Variants in DYNAP observed in about 807,000 individuals in gnomAD.
The protein encoded by DYNAP is dynactin-associated protein.
Under a neutral mutation model 8.5 loss-of-function variants are expected in DYNAP, and 7 were observed. The ratio of observed to expected loss-of-function variants is 0.82; its 90% CI spans 0.47 to 1.54. The LOEUF (loss-of-function observed/expected upper bound fraction) is 1.54, where lower values mean the gene tolerates loss of function less well. DYNAP is among the 40% of genes most tolerant of loss of function. DYNAP has a pLI of 0.01. For synonymous variants in DYNAP, 77 were observed against 77.9 expected (o/e 0.99, Z 0.06); for missense variants, 256 against 224.3 (o/e 1.14, Z -0.90).
At chr18:54,577,236 G>A in the DYNAP span, among the ~76,000 whole-genome samples, 1 of 152,134 alleles carries the variant, frequency 6.6e-6, no homozygotes, top group African/African-American at 2.4e-5. Flanking sequence ...CTGTGCAGGA[G>A]AGAAGAAACT....
upstream of DYNAP, among the ~76,000 whole-genome samples, chr18:54,587,043 T>C (rs1209229483): frequency 6.6e-6 from 1 of 152,156 alleles, no homozygotes; most frequent in Non-Finnish European, 1.5e-5. Context: ...AAAAATATGT[T>C]TTGATGGTCC....
At chr18:54,578,308 A>G in the DYNAP span, among the ~76,000 whole-genome samples, 32 of 152,234 alleles carry the variant, frequency 2.1e-4, no homozygotes, top group Non-Finnish European at 2.9e-4. Flanking sequence ...AGAAGCAACA[A>G]TAGCTCTTAG....
intron 1 of DYNAP, 141 bp downstream of exon 1, chr18:54,591,480 A>G: frequency 1.0e-6 from 1 of 965,514 alleles, no homozygotes; most frequent in South Asian, 2.6e-5. Context: ...GCAACCCTGT[A>G]TCAATTTTTG....
upstream of DYNAP, among the ~76,000 whole-genome samples, chr18:54,590,459 C>T (rs1911026150): frequency 6.6e-6 from 1 of 152,076 alleles, no homozygotes; most frequent in Admixed American, 6.6e-5. Context: ...GTATTGAATA[C>T]ATTTATAAGA....
chr18:54,579,605 C>T, the DYNAP span, among the ~76,000 whole-genome samples: 2 of 152,156 alleles, frequency 1.3e-5, no homozygotes, highest in African/African-American at 4.8e-5. Flanking sequence ...TTTTCTTCAT[C>T]CAAGAGATAT....
At chr18:54,592,452 T>A (rs562243765) in intron 1 of DYNAP, among the ~76,000 whole-genome samples, 2 of 152,200 alleles carry the variant, frequency 1.3e-5, no homozygotes, top group African/African-American at 4.8e-5. Flanking sequence ...ATAACTATAT[T>A]TTTCTCTTCA....
At chr18:54,583,858 C>T (rs529778190), upstream of DYNAP, among the ~76,000 whole-genome samples, 5 of 152,010 alleles carry the variant, frequency 3.3e-5, no homozygotes, top group South Asian at 2.1e-4. Flanking sequence ...TTCTGAGAAC[C>T]GATCACCTGA....
the DYNAP span, among the ~76,000 whole-genome samples, chr18:54,582,306 A>T: frequency 6.6e-6 from 1 of 152,092 alleles, no homozygotes; most frequent in African/African-American, 2.4e-5. Flanking sequence ...GAAATGATCC[A>T]AGTCTTTTCC....
At chr18:54,587,993 C>A (rs1910939941), upstream of DYNAP, 1 of 393,362 alleles carries the variant, frequency 2.5e-6, no homozygotes, top group East Asian at 3.6e-5. Context: ...CTAATTCCAA[C>A]ATACAAAAAG....
At position 54,598,251 on chromosome 18, in the gene DYNAP, C is replaced by A; in HGVS notation, c.*106C>A. On this transcript the variant is annotated 3_prime_UTR_variant, in exon 3 of 3. Transcript: ENST00000648945. ...CCTATCACTTCAAGTGGAATCATGGCTGCAGTCACTTTAACAGACTCTATA... is the reference window on the plus strand; with the variant it reads ...CCTATCACTTCAAGTGGAATCATGGATGCAGTCACTTTAACAGACTCTATA... The A allele has an allele frequency of 8.4e-7, 1 of 1,192,398 alleles. No homozygotes were observed. The highest frequency in any genetic ancestry group is 1.2e-6 in the Non-Finnish European group (1 of 855,268). The allele number at this position is 1,192,398 out of a possible 1,614,324, so 73.9% of individuals were successfully genotyped here.
the DYNAP span, among the ~76,000 whole-genome samples, chr18:54,578,110 G>A: frequency 5.3e-5 from 8 of 152,234 alleles, no homozygotes; most frequent in Non-Finnish European, 1.5e-5. Context: ...GGAGGTATCA[G>A]TCCTGGAGAG....
chr18:54,596,898 T>G (rs371614399), intron 2 of DYNAP, among the ~76,000 whole-genome samples: 1 of 152,246 alleles, frequency 6.6e-6, no homozygotes, highest in East Asian at 1.9e-4. Flanking sequence ...TGGTGACCAT[T>G]GCCCTCATTC....
At chr18:54,584,334 C>T (rs547927748), upstream of DYNAP, among the ~76,000 whole-genome samples, 22 of 149,262 alleles carry the variant, frequency 1.5e-4, no homozygotes, top group African/African-American at 5.1e-4. Flanking sequence ...AATGCATATT[C>T]AAGACATATT....
At chr18:54,577,929 A>G in the DYNAP span, among the ~76,000 whole-genome samples, 12 of 144,458 alleles carry the variant, frequency 8.3e-5, no homozygotes, top group Non-Finnish European at 1.6e-4. Context: ...AGGCCACTGC[A>G]CTCCAGCCTG....
upstream of DYNAP, among the ~76,000 whole-genome samples, chr18:54,583,743 G>A (rs900305557): frequency 6.6e-6 from 1 of 152,146 alleles, no homozygotes; most frequent in African/African-American, 2.4e-5. Context: ...TCATGTGTTT[G>A]AACATGTGCT....
intron 2 of DYNAP, among the ~76,000 whole-genome samples, chr18:54,597,481 G>A (rs893883523): frequency 1.3e-5 from 2 of 152,102 alleles, no homozygotes; most frequent in Admixed American, 6.6e-5. Flanking sequence ...CATGTGTGAG[G>A]GCAGGAGGGA....
chr18:54,598,133 C>A lies in DYNAP; in HGVS notation c.543C>A (p.Thr181=). Residue 181 remains threonine, a synonymous_variant, in exon 3 of 3, where the codon ACC becomes ACA. Coordinates refer to ENST00000648945, the MANE Select transcript of DYNAP (RefSeq NM_173629.3). ...CAGAACCTATAACTGTTGCACCTAC[C>A]GATCATTTATAATTTGAACAGCCAT... is the stretch of plus-strand genomic sequence containing the variant. ...TSTEPITVAP[T]DHL 1 of 1,607,580 alleles carries A rather than the reference C, an allele frequency of 6.2e-7. No individual in the cohort carries two copies. The highest frequency in any genetic ancestry group is 2.2e-5 in the East Asian group (1 of 44,768).
At chr18:54,581,945 AT>A in the DYNAP span, among the ~76,000 whole-genome samples, 1 of 152,220 alleles carries the variant, frequency 6.6e-6, no homozygotes, top group African/African-American at 2.4e-5. Flanking sequence ...TTTAACTTAT[AT>A]TTTATTAGTA....
At chr18:54,589,144 T>C (rs1599446791), upstream of DYNAP, among the ~76,000 whole-genome samples, 2 of 152,320 alleles carry the variant, frequency 1.3e-5, no homozygotes, top group Admixed American at 1.3e-4. Context: ...AAAATCAACT[T>C]TGACCTAGGC....
Sources: gnomAD v4.1 joint callset for allele counts (sites outside exome capture counted in the v4.1 genomes callset) on GRCh38, gnomAD v4.1.1 for gene constraint, MANE v1.5 for transcripts, NCBI Gene and HGNC (gene_info 2026-07-23, HGNC 2026-07-21) for gene names.